MYO16: variants seen among roughly 807,000 people sequenced by gnomAD.
MYO16 encodes the protein myosin XVI, also known as unconventional myosin-XVI.
MYO16 carries 94 observed loss-of-function variants against 205.3 expected under a neutral mutation model. The ratio of observed to expected loss-of-function variants is 0.46; its 90% CI spans 0.39 to 0.54. The LOEUF (loss-of-function observed/expected upper bound fraction) is 0.54, where lower values mean the gene tolerates loss of function less well. MYO16 is among the 20% of genes least tolerant of loss of function. The pLI, the probability that MYO16 is intolerant of heterozygous loss-of-function variation, is 0.00. For missense variants in MYO16, 2,315 were observed against 2,387.5 expected (o/e 0.97, Z 0.63); for synonymous variants, 988 against 954.0 (o/e 1.04, Z -0.66).
chr13:108,611,572 T>A (rs1010750058), intron 1 of MYO16, among the ~76,000 whole-genome samples: 1 of 152,096 alleles, frequency 6.6e-6, no homozygotes, highest in African/African-American at 2.4e-5. Flanking sequence ...CCAGAATAAA[T>A]AATGTTGGTT....
chr13:108,808,622 A>AGCTTCTATCCAGGAAATTAT, intron 7 of MYO16, among the ~76,000 whole-genome samples: 1 of 152,226 alleles, frequency 6.6e-6, no homozygotes, highest in East Asian at 1.9e-4. Flanking sequence ...CAGAAATGGA[A>AGCTTCTATCCAGGAAATTAT]GCTTCTATCC....
At chr13:109,036,227 G>C (rs1886713700) in intron 23 of MYO16, among the ~76,000 whole-genome samples, 1 of 152,162 alleles carries the variant, frequency 6.6e-6, no homozygotes, top group Admixed American at 6.5e-5. Context: ...GGTGGATAGA[G>C]CTATTTCTGT....
chr13:108,696,768 C>A (rs1883106552), intron 2 of MYO16, among the ~76,000 whole-genome samples: 1 of 152,148 alleles, frequency 6.6e-6, no homozygotes, highest in African/African-American at 2.4e-5. Flanking sequence ...CAAAAGACTA[C>A]TTTTCGACTA....
intron 14 of MYO16, among the ~76,000 whole-genome samples, chr13:108,896,995 C>G (rs897512491): frequency 6.7e-6 from 1 of 149,574 alleles, no homozygotes. Flanking sequence ...GACTCTGTCT[C>G]AAAAAATAAA....
At position 109,127,480 on chromosome 13, in the gene MYO16, CA is replaced by C; in HGVS notation, c.3982del (p.Thr1328ProfsTer3). On this transcript the variant is annotated frameshift_variant, in exon 31 of 35. Transcript: ENST00000457511. LOFTEE classifies it high-confidence loss of function. The surrounding 1 kb of genome is among the most constrained non-coding windows in gnomAD (Gnocchi z 4.2). The part of the protein sequence containing the change: ...PPPKPKRDPN[T>X]RLSASYEAVS... ...CGCCCAAGCCAAAGAGGGACCCCAA[CA>C]CCCGGCTGAGTGCTTCCTATGAGGC... 1 of 1,613,926 alleles carries C rather than the reference CA, an allele frequency of 6.2e-7. No individual in the cohort carries two copies.
intron 25 of MYO16, among the ~76,000 whole-genome samples, chr13:109,053,058 C>T (rs1036039136): frequency 1.4e-4 from 22 of 152,028 alleles, no homozygotes; most frequent in African/African-American, 5.3e-4. Flanking sequence ...AGAGTTGTTT[C>T]AAACTGATAG....
At chr13:108,661,540 T>C (rs1881501902) in intron 1 of MYO16, among the ~76,000 whole-genome samples, 1 of 152,130 alleles carries the variant, frequency 6.6e-6, no homozygotes, top group Non-Finnish European at 1.5e-5. Context: ...GTCTTCAAGC[T>C]CTAAATTTCT....
At chr13:108,937,205 T>G (rs1882527500) in intron 16 of MYO16, among the ~76,000 whole-genome samples, 1 of 152,238 alleles carries the variant, frequency 6.6e-6, no homozygotes, top group Non-Finnish European at 1.5e-5. Context: ...AAGTTTCTGC[T>G]GAGAAGTCTG....
At chr13:108,964,389 C>T (rs1240831671) in intron 19 of MYO16, among the ~76,000 whole-genome samples, 1 of 152,054 alleles carries the variant, frequency 6.6e-6, no homozygotes, top group Non-Finnish European at 1.5e-5. Flanking sequence ...TCTGATTTTC[C>T]AGAAAGCCCG....
chr13:109,191,271 T>G (rs1230504675), intron 34 of MYO16, among the ~76,000 whole-genome samples: 3 of 152,064 alleles, frequency 2.0e-5, no homozygotes, highest in African/African-American at 7.2e-5. Flanking sequence ...CAAAAGATGT[T>G]TATTGAGGTT....
intron 3 of MYO16, among the ~76,000 whole-genome samples, chr13:108,716,157 G>A (rs1157716281): frequency 6.6e-6 from 1 of 152,204 alleles, no homozygotes; most frequent in African/African-American, 2.4e-5. Context: ...GATGCATAGT[G>A]AATTTTCAAT....
At chr13:109,160,243 T>G (rs1476995202) in intron 32 of MYO16, among the ~76,000 whole-genome samples, 2 of 152,222 alleles carry the variant, frequency 1.3e-5, no homozygotes, top group African/African-American at 4.8e-5. Context: ...TCACATTGAC[T>G]GGGAGTGATA....
At chr13:109,118,153 G>A (rs1273209226) in intron 28 of MYO16, among the ~76,000 whole-genome samples, 1 of 152,124 alleles carries the variant, frequency 6.6e-6, no homozygotes, top group Admixed American at 6.5e-5. Flanking sequence ...ACTGAACCCT[G>A]CCTGATCACA....
chr13:108,757,090 C>T (rs950444768), intron 4 of MYO16, among the ~76,000 whole-genome samples: 8 of 152,110 alleles, frequency 5.3e-5, no homozygotes, highest in African/African-American at 1.9e-4. Context: ...TATAATAATA[C>T]ATTTAACTTT....
At chr13:108,599,190 C>A (rs1289587064) in intron 1 of MYO16, among the ~76,000 whole-genome samples, 1 of 150,934 alleles carries the variant, frequency 6.6e-6, no homozygotes, top group Non-Finnish European at 1.5e-5. Flanking sequence ...TTTATGGCTG[C>A]ATAGTATTCC....
intron 32 of MYO16, among the ~76,000 whole-genome samples, chr13:109,164,675 A>C (rs903188828): frequency 2.0e-5 from 3 of 152,206 alleles, no homozygotes; most frequent in Admixed American, 1.3e-4. Flanking sequence ...AATATGTTTG[A>C]ATGCAACAAA....
the MYO16 span, among the ~76,000 whole-genome samples, chr13:108,573,471 T>C: frequency 3.1e-3 from 470 of 152,380 alleles, 7 homozygotes; most frequent in South Asian, 0.05. Context: ...GCAACATTTA[T>C]ACTGTTTTGA....
At chr13:109,118,776 G>A (rs1253718153) in intron 28 of MYO16, among the ~76,000 whole-genome samples, 1 of 151,828 alleles carries the variant, frequency 6.6e-6, no homozygotes, top group African/African-American at 2.4e-5. Flanking sequence ...TCAGCAGTTG[G>A]GAAGGAGAAA....
intron 32 of MYO16, among the ~76,000 whole-genome samples, chr13:109,157,216 T>C (rs1878097794): frequency 7.3e-6 from 1 of 136,512 alleles, no homozygotes; most frequent in Non-Finnish European, 1.5e-5. Context: ...TTCAGCTGTA[T>C]ACTTTCTTTG....
Sources: gnomAD v4.1 joint callset for allele counts (sites outside exome capture counted in the v4.1 genomes callset) on GRCh38, gnomAD v4.1.1 for gene constraint, Gnocchi (gnomAD v3.1) non-coding constraint, MANE v1.5 for transcripts, NCBI Gene and HGNC (gene_info 2026-07-23, HGNC 2026-07-21) for gene names.